The following INPP5D variants were observed in gnomAD, a reference collection of about 807,000 sequenced individuals.
INPP5D encodes the protein inositol polyphosphate-5-phosphatase D, also known as phosphatidylinositol 3,4,5-trisphosphate 5-phosphatase 1.
Under a neutral mutation model 122.9 loss-of-function variants are expected in INPP5D, and 33 were observed. The ratio of observed to expected loss-of-function variants is 0.27; its 90% confidence interval spans 0.20 to 0.36. The LOEUF is 0.36. Ranked by LOEUF, INPP5D falls within the 10% of genes least tolerant of loss-of-function variation. The pLI is 1.00. For missense variants in INPP5D, 1,053 were observed against 1,412.7 expected, an observed-to-expected ratio of 0.75 and a Z score of 4.08; for synonymous variants, 584 against 576.2, an observed-to-expected ratio of 1.01 and a Z score of -0.19.
chr2:233,195,605 G>A (rs1695163999), intron 24 of INPP5D, 110 bp downstream of exon 24: 11 of 1,528,472 alleles, frequency 7.2e-6, no homozygotes, highest in Non-Finnish European at 9.7e-6. Context: ...CCGGCACTTT[G>A]GGAGGCCAAG....
At chr2:233,156,584 C>T (rs542987258) in intron 9 of INPP5D, among the ~76,000 whole-genome samples, 60 of 152,284 alleles carry the variant, frequency 3.9e-4, no homozygotes, top group African/African-American at 1.2e-3. Context: ...CATGAGCCAC[C>T]GCGCCTGGCC....
intron 22 of INPP5D, among the ~76,000 whole-genome samples, chr2:233,193,117 G>C (rs1695095530): frequency 6.6e-6 from 1 of 152,242 alleles, no homozygotes; most frequent in Non-Finnish European, 1.5e-5. Flanking sequence ...TTGAACTCCT[G>C]ACCTCAAGTG....
chr2:233,196,911 C>T (rs1451291362), intron 24 of INPP5D, among the ~76,000 whole-genome samples: 1 of 152,102 alleles, frequency 6.6e-6, no homozygotes, highest in Non-Finnish European at 1.5e-5. Flanking sequence ...TTCCAGCTTC[C>T]GATGTTCACA....
At chr2:233,069,936 T>C (rs1366601589) in intron 1 of INPP5D, among the ~76,000 whole-genome samples, 1 of 152,222 alleles carries the variant, frequency 6.6e-6, no homozygotes, top group African/African-American at 2.4e-5. Flanking sequence ...TTTTTCCATA[T>C]ATGCACCAGT....
intron 2 of INPP5D, among the ~76,000 whole-genome samples, chr2:233,085,848 C>T (rs2106216336): frequency 6.6e-6 from 1 of 152,130 alleles, no homozygotes; most frequent in East Asian, 1.9e-4. Flanking sequence ...AAATGACTGT[C>T]TTTATTTTCT....
chr2:233,094,674 A>G (rs12694925), intron 2 of INPP5D, among the ~76,000 whole-genome samples: 106,984 of 151,890 alleles, frequency 0.7, 37,910 homozygotes, highest in Middle Eastern at 0.8. Flanking sequence ...CATCACCTGG[A>G]AGCTTGTTAG....
chr2:233,137,462 T>G (rs1236770780), intron 5 of INPP5D, among the ~76,000 whole-genome samples: 1 of 126,770 alleles, frequency 7.9e-6, no homozygotes, highest in African/African-American at 2.6e-5. Flanking sequence ...ACTTTTTTTT[T>G]TTTTTTTATG....
intron 24 of INPP5D, among the ~76,000 whole-genome samples, chr2:233,196,850 C>T (rs1301886133): frequency 6.6e-6 from 1 of 152,142 alleles, no homozygotes; most frequent in Non-Finnish European, 1.5e-5. Context: ...TCACCCCAGC[C>T]ACCCCCGCTG....
intron 26 of INPP5D, 142 bp downstream of exon 26, chr2:233,204,859 C>T: frequency 8.3e-7 from 1 of 1,207,408 alleles, no homozygotes; most frequent in Non-Finnish European, 1.1e-6. Context: ...CATGCATGTG[C>T]ACACATGCGA....
chr2:233,157,411 C>G (rs960171507), intron 9 of INPP5D, among the ~76,000 whole-genome samples: 1 of 149,400 alleles, frequency 6.7e-6, no homozygotes, highest in Non-Finnish European at 1.5e-5. Flanking sequence ...GAGTTATAAA[C>G]TGGGGAAGAA....
intron 17 of INPP5D, among the ~76,000 whole-genome samples, chr2:233,174,815 TTAAC>T (rs1486583359): frequency 1.7e-4 from 25 of 148,574 alleles, no homozygotes; most frequent in African/African-American, 5.4e-4. Context: ...AAAAAAGGAC[TTAAC>T]TAACTGTTAG....
chr2:233,196,665 C>A (rs549174253), intron 24 of INPP5D, among the ~76,000 whole-genome samples: 1 of 152,180 alleles, frequency 6.6e-6, no homozygotes, highest in Non-Finnish European at 1.5e-5. Context: ...AGAATACAGA[C>A]GTCCTTGGTA....
Position 233,177,920 on chromosome 2 carries a change from C to T in INPP5D, c.2071+574C>T, listed in dbSNP as rs561952924. On this transcript the variant is annotated intron_variant, in intron 18 of 26. Transcript: ENST00000445964. The surrounding 1 kb of genome is among the most constrained non-coding windows in gnomAD (Gnocchi z 4.2). ...TCAGTTTTATTTCTTTTGAAAAGAACATATTAAGTGTGAACCATATGAAAG... is the reference window on the plus strand; with the variant it reads ...TCAGTTTTATTTCTTTTGAAAAGAATATATTAAGTGTGAACCATATGAAAG... 6.6e-6 allele frequency among the ~76,000 whole-genome samples: 1 copy of T among 152,274 alleles called. No homozygotes were observed. The highest frequency in any genetic ancestry group is 2.1e-4 in the South Asian group (1 of 4,826).
intron 9 of INPP5D, among the ~76,000 whole-genome samples, chr2:233,153,632 G>A (rs576954213): frequency 6.6e-6 from 1 of 152,322 alleles, no homozygotes; most frequent in South Asian, 2.1e-4. Flanking sequence ...GTGAAGGTGG[G>A]GTTATACACA....
intron 11 of INPP5D, among the ~76,000 whole-genome samples, chr2:233,162,363 CATT>C (rs1432951181): frequency 1.2e-5 from 1 of 81,678 alleles, no homozygotes; most frequent in African/African-American, 3.0e-5. Flanking sequence ...TGCTCATAGA[CATT>C]ATGCTGAATA....
At chr2:233,133,573 A>G (rs1574754278) in intron 5 of INPP5D, among the ~76,000 whole-genome samples, 1 of 152,240 alleles carries the variant, frequency 6.6e-6, no homozygotes, top group South Asian at 2.1e-4. Flanking sequence ...CTTCTTTAGT[A>G]TAAGTATATA....
At chr2:233,155,979 GA>G (rs1362915419) in intron 9 of INPP5D, among the ~76,000 whole-genome samples, 1 of 152,212 alleles carries the variant, frequency 6.6e-6, no homozygotes, top group African/African-American at 2.4e-5. Flanking sequence ...AGACCCAGTG[GA>G]TGATCATATT....
chr2:233,193,797 C>A lies in INPP5D; in HGVS notation c.2447-15C>A. 6.2e-7 allele frequency: 1 copy of A among 1,613,822 alleles called. No individual in the cohort carries two copies. The highest frequency in any genetic ancestry group is 8.5e-7 in the Non-Finnish European group (1 of 1,179,874). On this transcript the variant is annotated splice_polypyrimidine_tract_variant and intron_variant, in intron 22 of 26. Coordinates refer to ENST00000445964, the MANE Select transcript of INPP5D (RefSeq NM_001017915.3). ...GGCAGGGTCTTCACCCAGCTGTCTC[C>A]CACTTTCCCTGCAGGCGAGGGCTGC... is the stretch of plus-strand genomic sequence containing the variant.
intron 13 of INPP5D, 147 bp from the exon 14 acceptor site, chr2:233,169,158 G>A (rs70958388): frequency 0.017 from 20,157 of 1,180,860 alleles, 639 homozygotes; most frequent in East Asian, 0.13. Context: ...TCTGCCCAGC[G>A]GCTCCCACCC....
Sources: allele counts gnomAD v4.1 joint callset (sites outside exome capture counted in the v4.1 genomes callset), GRCh38; gene constraint gnomAD v4.1.1; non-coding constraint Gnocchi (gnomAD v3.1); transcripts MANE v1.5; gene names NCBI Gene and HGNC (gene_info 2026-07-23, HGNC 2026-07-21).